The following RBFOX1 variants were observed in gnomAD, a reference collection of about 807,000 sequenced individuals.
RBFOX1 encodes RNA binding protein fox-1 homolog 1.
RBFOX1 carries 8 observed loss-of-function variants against 57.7 expected under a neutral mutation model. The ratio of observed to expected loss-of-function variants is 0.14; its 90% confidence interval spans 0.08 to 0.25. The LOEUF is 0.25. RBFOX1 is among the 10% of genes least tolerant of loss of function. The pLI is 1.00. For missense variants in RBFOX1, 611 were observed against 548.5 expected (o/e 1.11, Z -1.14); for synonymous variants, 326 against 222.4 (o/e 1.47, Z -4.15).
At chr16:7,631,785 G>A (rs575595502) in intron 11 of RBFOX1, among the ~76,000 whole-genome samples, 40 of 152,272 alleles carry the variant, frequency 2.6e-4, no homozygotes, top group African/African-American at 9.4e-4. Context: ...GTGAAGCTGA[G>A]GAAAACCAAC....
intron 4 of RBFOX1, among the ~76,000 whole-genome samples, chr16:7,361,938 G>A (rs1258501001): frequency 6.6e-6 from 1 of 150,922 alleles, no homozygotes; most frequent in African/African-American, 2.4e-5. Context: ...TAGTGTGTAT[G>A]TGTGTGCATG....
intron 1 of RBFOX1, among the ~76,000 whole-genome samples, chr16:6,294,134 C>T (rs1482039550): frequency 3.3e-5 from 5 of 151,648 alleles, no homozygotes; most frequent in Admixed American, 2.0e-4. Context: ...GTGAGCTATG[C>T]TGGTGCCACT....
At chr16:6,750,223 C>G (rs1212091710) in intron 3 of RBFOX1, among the ~76,000 whole-genome samples, 4 of 152,142 alleles carry the variant, frequency 2.6e-5, no homozygotes, top group Non-Finnish European at 5.9e-5. Context: ...TGGGCTCTAC[C>G]TGAGGGCATT....
chr16:6,974,113 C>A (rs576982835), intron 3 of RBFOX1, among the ~76,000 whole-genome samples: 1 of 152,008 alleles, frequency 6.6e-6, no homozygotes, highest in Non-Finnish European at 1.5e-5. Flanking sequence ...GATCTCATTC[C>A]TTTTTATGGC....
At chr16:6,015,654 T>G (rs914701260), upstream of RBFOX1, among the ~76,000 whole-genome samples, 2 of 152,226 alleles carry the variant, frequency 1.3e-5, no homozygotes, top group African/African-American at 4.8e-5. Context: ...GCTGTTTTGC[T>G]TCAGGCACTT....
Position 6,248,042 on chromosome 16 carries a change from G to T in RBFOX1, c.-126-68953G>T, listed in dbSNP as rs529338703. Reference sequence around the variant, plus strand: ...TCATCAATCCCTTCAAGTACAAAAGGCCACTGTTCAGAAACTGTTATTAAA... The same window carrying T: ...TCATCAATCCCTTCAAGTACAAAAGTCCACTGTTCAGAAACTGTTATTAAA... On this transcript the variant is annotated intron_variant, in intron 1 of 15. Transcript: ENST00000550418. Among the ~76,000 whole-genome samples the T allele has an allele frequency of 4.4e-4, 67 of 152,254 alleles. No homozygotes were observed. The South Asian group carries it at 0.014, about 31-fold the overall frequency.
chr16:5,502,674 A>G (rs1376770810), intron 2 of RBFOX1, among the ~76,000 whole-genome samples: 1 of 152,200 alleles, frequency 6.6e-6, no homozygotes, highest in Non-Finnish European at 1.5e-5. Flanking sequence ...CGAAGGGGTT[A>G]GAACAGGCAG....
chr16:7,067,630 AC>A (rs2056398461), intron 4 of RBFOX1, among the ~76,000 whole-genome samples: 1 of 151,060 alleles, frequency 6.6e-6, no homozygotes, highest in South Asian at 2.1e-4. Context: ...GGTGTGGTGC[AC>A]CCATTAACTC....
chr16:6,624,459 G>A (rs767104547), intron 2 of RBFOX1, among the ~76,000 whole-genome samples: 2 of 152,090 alleles, frequency 1.3e-5, no homozygotes, highest in Non-Finnish European at 2.9e-5. Flanking sequence ...ATCAACCACA[G>A]CCCTTCTGAA....
intron 3 of RBFOX1, among the ~76,000 whole-genome samples, chr16:6,743,749 C>T (rs1049744693): frequency 6.6e-6 from 1 of 151,250 alleles, no homozygotes; most frequent in African/African-American, 2.4e-5. Context: ...AAAGCAACAC[C>T]CTGTCTCAAA....
chr16:6,930,497 C>A (rs1461523656), intron 3 of RBFOX1, among the ~76,000 whole-genome samples: 1 of 151,428 alleles, frequency 6.6e-6, no homozygotes, highest in Non-Finnish European at 1.5e-5. Context: ...ACAACCTCTG[C>A]CTTCTGGGTT....
chr16:5,995,089 C>G (rs765267964), intron 4 of RBFOX1, among the ~76,000 whole-genome samples: 6 of 152,204 alleles, frequency 3.9e-5, no homozygotes, highest in Non-Finnish European at 7.3e-5. Context: ...TCTGCCAAGT[C>G]TTCTTGAAGT....
chr16:6,061,685 T>C (rs1042497325), intron 1 of RBFOX1, among the ~76,000 whole-genome samples: 7 of 152,118 alleles, frequency 4.6e-5, no homozygotes, highest in Non-Finnish European at 8.8e-5. Context: ...TCTATGTACA[T>C]AGATTTAAGA....
chr16:7,195,187 G>C (rs1455051172), intron 4 of RBFOX1, among the ~76,000 whole-genome samples: 2 of 152,112 alleles, frequency 1.3e-5, no homozygotes, highest in Admixed American at 6.6e-5. Flanking sequence ...TTAGGAGTTG[G>C]GGTGGACTCT....
chr16:5,937,645 A>G (rs540639013), intron 4 of RBFOX1, among the ~76,000 whole-genome samples: 10 of 150,238 alleles, frequency 6.7e-5, no homozygotes, highest in Admixed American at 3.3e-4. Context: ...AGTTTTATAT[A>G]TATAGCTACA....
At chr16:5,422,346 G>A (rs1287033770) in intron 1 of RBFOX1, among the ~76,000 whole-genome samples, 2 of 133,672 alleles carry the variant, frequency 1.5e-5, no homozygotes, top group African/African-American at 2.8e-5. Flanking sequence ...CGTGGAGGAG[G>A]AGGGAGAAGG....
intron 3 of RBFOX1, among the ~76,000 whole-genome samples, chr16:5,716,759 G>C (rs975381858): frequency 7.9e-5 from 12 of 152,284 alleles, no homozygotes; most frequent in East Asian, 5.8e-4. Flanking sequence ...ATATTCCTTT[G>C]GGTACATACC....
chr16:6,609,680 G>T (rs1413468368), intron 2 of RBFOX1, among the ~76,000 whole-genome samples: 5 of 152,124 alleles, frequency 3.3e-5, no homozygotes, highest in Non-Finnish European at 4.4e-5. Flanking sequence ...CACCCAGATG[G>T]TTCAGTGTTT....
chr16:7,550,182 C>T (rs2085899169), intron 5 of RBFOX1, among the ~76,000 whole-genome samples: 1 of 152,112 alleles, frequency 6.6e-6, no homozygotes, highest in East Asian at 1.9e-4. Flanking sequence ...TCTCCCTCCT[C>T]GGCCTCCCGA....
Sources: gnomAD v4.1 joint callset for allele counts (sites outside exome capture counted in the v4.1 genomes callset) on GRCh38, gnomAD v4.1.1 for gene constraint, MANE v1.5 for transcripts, NCBI Gene and HGNC (gene_info 2026-07-23, HGNC 2026-07-21) for gene names.